The following BABAM2 variants were observed in gnomAD, a reference collection of about 807,000 sequenced individuals.
BABAM2 encodes the protein BRISC and BRCA1-A complex member 2.
Under a neutral mutation model 54.7 loss-of-function variants are expected in BABAM2, and 31 were observed. The ratio of observed to expected loss-of-function variants is 0.57; its 90% confidence interval spans 0.43 to 0.77. The LOEUF (loss-of-function observed/expected upper bound fraction) is 0.77. BABAM2 is among the 30% of genes least tolerant of loss of function. The pLI is 0.00. For synonymous variants in BABAM2, 167 were observed against 162.9 expected, an observed-to-expected ratio of 1.03 and a Z score of -0.19; for missense variants, 364 against 455.8, an observed-to-expected ratio of 0.80 and a Z score of 1.83.
At chr2:28,334,018 C>T (rs980398373) in intron 11 of BABAM2, among the ~76,000 whole-genome samples, 2 of 152,198 alleles carry the variant, frequency 1.3e-5, no homozygotes, top group African/African-American at 4.8e-5. Flanking sequence ...TTTCCCCCTC[C>T]TCCCACTCCG....
intron 4 of BABAM2, among the ~76,000 whole-genome samples, chr2:27,996,044 G>C (rs1203882188): frequency 6.6e-6 from 1 of 152,118 alleles, no homozygotes; most frequent in Non-Finnish European, 1.5e-5. Flanking sequence ...TCCAGTCCAT[G>C]TGAGCTAATT....
chr2:28,245,245 G>C (rs1396799842), intron 10 of BABAM2, among the ~76,000 whole-genome samples: 1 of 152,098 alleles, frequency 6.6e-6, no homozygotes, highest in Non-Finnish European at 1.5e-5. Flanking sequence ...TGCCAAGCTA[G>C]AGAAACCTTA....
intron 6 of BABAM2, among the ~76,000 whole-genome samples, chr2:28,113,252 G>A (rs922634074): frequency 2.0e-5 from 3 of 152,080 alleles, no homozygotes; most frequent in African/African-American, 7.2e-5. Context: ...ATTGCTTTTG[G>A]CGTTTTAGTC....
chr2:28,311,705 T>C (rs1015144031), intron 11 of BABAM2, among the ~76,000 whole-genome samples: 4 of 152,192 alleles, frequency 2.6e-5, no homozygotes, highest in African/African-American at 7.2e-5. Context: ...CACCTGGTAA[T>C]CACTAAGCTC....
chr2:28,223,399 G>A (rs1251970102), intron 7 of BABAM2, among the ~76,000 whole-genome samples: 2 of 152,196 alleles, frequency 1.3e-5, no homozygotes, highest in African/African-American at 4.8e-5. Flanking sequence ...GCAGTAGCTG[G>A]CACCAGGGCC....
intron 6 of BABAM2, among the ~76,000 whole-genome samples, chr2:28,097,600 G>A (rs891776034): frequency 5.3e-5 from 8 of 151,990 alleles, no homozygotes; most frequent in South Asian, 2.1e-4. Context: ...TCTTCTGTGC[G>A]CTCTGTCCTT....
intron 7 of BABAM2, among the ~76,000 whole-genome samples, chr2:28,160,735 GTT>G (rs562679552): frequency 4.2e-4 from 54 of 129,174 alleles, no homozygotes; most frequent in African/African-American, 6.7e-4. Context: ...CATATAAATT[GTT>G]TTTTTTTTTT....
chr2:27,963,101 A>T (rs1670589374), intron 3 of BABAM2, among the ~76,000 whole-genome samples: 1 of 152,190 alleles, frequency 6.6e-6, no homozygotes, highest in Non-Finnish European at 1.5e-5. Flanking sequence ...TACCACAGTA[A>T]TCATCTGGTT....
chr2:28,276,395 A>T (rs1196636022), intron 10 of BABAM2, among the ~76,000 whole-genome samples: 2 of 152,162 alleles, frequency 1.3e-5, no homozygotes, highest in Admixed American at 6.5e-5. Context: ...TTCAATTCTG[A>T]TACACTTTTA....
At chr2:28,056,776 A>G (rs1678462030) in intron 6 of BABAM2, among the ~76,000 whole-genome samples, 1 of 152,236 alleles carries the variant, frequency 6.6e-6, no homozygotes, top group South Asian at 2.1e-4. Flanking sequence ...AAAGTACACT[A>G]ATACATATGA....
At chr2:27,911,042 C>T (rs943209994) in intron 2 of BABAM2, among the ~76,000 whole-genome samples, 3 of 152,140 alleles carry the variant, frequency 2.0e-5, no homozygotes, top group African/African-American at 7.2e-5. Context: ...CCCCCTTTTG[C>T]TCGGTACTTC....
At chr2:28,087,794 G>A (rs141428078) in intron 6 of BABAM2, among the ~76,000 whole-genome samples, 1,890 of 152,012 alleles carry the variant, frequency 0.012, 17 homozygotes, top group Middle Eastern at 0.031. Context: ...GATTACAGGC[G>A]TGCGCCACTA....
At chr2:27,968,576 C>T (rs1049012635) in intron 3 of BABAM2, among the ~76,000 whole-genome samples, 3 of 152,192 alleles carry the variant, frequency 2.0e-5, no homozygotes, top group Non-Finnish European at 4.4e-5. Context: ...GGGCTACCAT[C>T]CTCCAGACCC....
chr2:28,283,452 C>T (rs1053449985), intron 10 of BABAM2, among the ~76,000 whole-genome samples: 2 of 152,214 alleles, frequency 1.3e-5, no homozygotes, highest in African/African-American at 4.8e-5. Flanking sequence ...AAGAGGGTCA[C>T]CACTTCTCTG....
chr2:28,010,540 A>G lies in BABAM2; in HGVS notation c.301-14686A>G, dbSNP rs186123902. 1.1e-4 allele frequency among the ~76,000 whole-genome samples: 17 copies of G among 152,244 alleles called. 1 individual carries two copies. The Middle Eastern group carries it at 0.01, about 91-fold the overall frequency. Reference sequence around the variant, plus strand: ...AAGAGCTTATGTGCCTCTTCCTCTGATCTTTCCCCTAAAGAGGTAAAAGGG... The same window carrying G: ...AAGAGCTTATGTGCCTCTTCCTCTGGTCTTTCCCCTAAAGAGGTAAAAGGG... On this transcript the variant is annotated intron_variant, in intron 4 of 11. Coordinates refer to ENST00000379624, the MANE Select transcript of BABAM2 (RefSeq NM_199191.3).
chr2:28,152,602 AG>A (rs1483855831), intron 7 of BABAM2, among the ~76,000 whole-genome samples: 1 of 152,090 alleles, frequency 6.6e-6, no homozygotes, highest in Admixed American at 6.5e-5. Context: ...AACTGGAGAG[AG>A]CTCAGGATGA....
intron 7 of BABAM2, among the ~76,000 whole-genome samples, chr2:28,225,754 T>A (rs935338652): frequency 1.3e-5 from 2 of 151,704 alleles, no homozygotes; most frequent in Non-Finnish European, 2.9e-5. Flanking sequence ...AGTCCACGAG[T>A]TGCCTAATGC....
intron 7 of BABAM2, among the ~76,000 whole-genome samples, chr2:28,225,486 T>C (rs1680801951): frequency 6.6e-6 from 1 of 152,152 alleles, no homozygotes; most frequent in African/African-American, 2.4e-5. Context: ...TATTGTGTGG[T>C]TTATGACATT....
At chr2:28,184,286 C>CTCT (rs1558415646) in intron 7 of BABAM2, among the ~76,000 whole-genome samples, 12 of 69,662 alleles carry the variant, frequency 1.7e-4, no homozygotes, top group East Asian at 1.7e-3. Context: ...CTCTCTCTCT[C>CTCT]CCCCCCTCCC....
Sources: gnomAD v4.1 joint callset for allele counts (sites outside exome capture counted in the v4.1 genomes callset) on GRCh38, gnomAD v4.1.1 for gene constraint, MANE v1.5 for transcripts, NCBI Gene and HGNC (gene_info 2026-07-23, HGNC 2026-07-21) for gene names.